Variants in RBL1 observed in about 807,000 individuals in gnomAD.
RBL1 encodes RB transcriptional corepressor like 1, also known as retinoblastoma-like protein 1.
RBL1 carries 82 observed loss-of-function variants against 123.0 expected under a neutral mutation model. The ratio of observed to expected loss-of-function variants is 0.67; its 90% CI spans 0.56 to 0.80. The LOEUF (loss-of-function observed/expected upper bound fraction) is 0.80, where lower values mean the gene tolerates loss of function less well. Ranked by LOEUF, RBL1 falls within the 30% of genes least tolerant of loss-of-function variation. The pLI is 0.00. For synonymous variants in RBL1, 405 were observed against 441.3 expected, an observed-to-expected ratio of 0.92 and a Z score of 1.03; for missense variants, 1,171 against 1,299.6, an observed-to-expected ratio of 0.90 and a Z score of 1.52.
At chr20:37,016,019 C>CA (rs2064245478) in intron 19 of RBL1, among the ~76,000 whole-genome samples, 1 of 131,468 alleles carries the variant, frequency 7.6e-6, no homozygotes, top group Non-Finnish European at 1.6e-5. Flanking sequence ...CCGTGCCCAG[C>CA]GGTTTTTTTT....
intron 9 of RBL1, among the ~76,000 whole-genome samples, chr20:37,058,335 G>C (rs188519383): frequency 1.1e-4 from 16 of 151,660 alleles, no homozygotes; most frequent in Admixed American, 3.3e-4. Context: ...GGCCAACATG[G>C]TGAAACCCCA....
At chr20:37,027,869 T>G (rs1479195104) in intron 16 of RBL1, among the ~76,000 whole-genome samples, 3 of 152,126 alleles carry the variant, frequency 2.0e-5, no homozygotes, top group Non-Finnish European at 4.4e-5. Context: ...ATCCTCCCAC[T>G]TCAGCCTCCT....
At chr20:37,070,198 G>T (rs933222811) in intron 2 of RBL1, among the ~76,000 whole-genome samples, 9 of 152,302 alleles carry the variant, frequency 5.9e-5, no homozygotes, top group Admixed American at 4.6e-4. Context: ...TGAAACAAGT[G>T]CTGTGTCCAC....
At chr20:37,012,980 C>T (rs868143751) in intron 19 of RBL1, among the ~76,000 whole-genome samples, 51 of 148,022 alleles carry the variant, frequency 3.4e-4, no homozygotes, top group African/African-American at 1.0e-3. Flanking sequence ...GTCAGCCCCC[C>T]GCCCGGCCAG....
intron 10 of RBL1, 134 bp downstream of exon 10, chr20:37,056,012 A>C (rs1600542826): frequency 7.1e-7 from 1 of 1,399,664 alleles, no homozygotes; most frequent in East Asian, 2.7e-5. Flanking sequence ...ATGCCATTGC[A>C]CTCCAGCCTG....
At chr20:37,038,809 G>C (rs944965733) in intron 14 of RBL1, among the ~76,000 whole-genome samples, 14 of 151,180 alleles carry the variant, frequency 9.3e-5, no homozygotes, top group Admixed American at 2.0e-4. Context: ...CACCATGTTG[G>C]CCAGGCTGGT....
rs536905365 is a variant in RBL1 at position 37,012,707 on chromosome 20, G to A, written c.2723-5148C>T. ...GGGAGGGAGGTGGGGGTCAACCCCC[G>A]CCAGGCCAGCCGCCCCGTCCGGGAG... On this transcript the variant is annotated intron_variant, in intron 19 of 21. Transcript: ENST00000373664. Among the ~76,000 whole-genome samples, 87 of 140,824 alleles carry A rather than the reference G, an allele frequency of 6.2e-4. 1 individual carries two copies. Among genetic ancestry groups the A allele is most frequent in the Non-Finnish European group, 9.9e-4 (64 of 64,484 alleles). 92.4% of individuals were successfully genotyped at this position (140,824 alleles called of 152,430 possible). A position where few individuals can be genotyped will look rare whatever the true frequency, so the allele number is the denominator to read the frequency against.
Position 37,032,808 on chromosome 20 carries a change from C to T in RBL1, c.2239G>A (p.Val747Ile). Reference sequence around the variant, plus strand: ...GCAGTAAGTGATACAGGACTCTTGACTTTGGACTCCTGATTTGTATTCATG... The same window carrying T: ...GCAGTAAGTGATACAGGACTCTTGATTTTGGACTCCTGATTTGTATTCATG... ...LSMNTNQESKVKSPVSLTAHS... is the reference protein window; with the variant it reads ...LSMNTNQESKIKSPVSLTAHS... The change falls in exon 16 of 22, where the codon GTC becomes ATC. Residue 747 changes from valine to isoleucine, a missense_variant. Val to Ile is a conservative substitution (Grantham distance 29). Coordinates refer to ENST00000373664, the MANE Select transcript of RBL1 (RefSeq NM_002895.5). 1 of 1,614,022 alleles carries T rather than the reference C, an allele frequency of 6.2e-7. No individual in the cohort carries two copies. Among genetic ancestry groups the T allele is most frequent in the Non-Finnish European group, 8.5e-7 (1 of 1,179,978 alleles).
chr20:37,000,438 A>G (rs28653147), intron 21 of RBL1, among the ~76,000 whole-genome samples: 80,819 of 128,386 alleles, frequency 0.63, 24,170 homozygotes, highest in African/African-American at 0.79. Flanking sequence ...CCCTCTGCCC[A>G]GCCAGCTGCC....
chr20:37,043,447 T>TCAC (rs2064766971), intron 13 of RBL1, among the ~76,000 whole-genome samples: 1 of 150,928 alleles, frequency 6.6e-6, no homozygotes, highest in Non-Finnish European at 1.5e-5. Context: ...GCCGAGACTG[T>TCAC]GCCACTGCTC....
In RBL1 at chr20:36,999,690, C is replaced by T. The variant is rs183277119; in HGVS notation, c.3037-761G>A. ...TATTTTTTTGGTGGAGATGGGGTTT[C>T]GCTGTGTTGGCCGGGCCGGTCTCCA... On this transcript the variant is annotated intron_variant, in intron 21 of 21. Transcript: ENST00000373664. 2.5e-4 allele frequency among the ~76,000 whole-genome samples: 38 copies of T among 152,336 alleles called. 1 individual carries two copies. The highest frequency in any genetic ancestry group is 7.7e-4 in the African/African-American group (32 of 41,574).
intron 7 of RBL1, among the ~76,000 whole-genome samples, chr20:37,062,990 A>AG: frequency 6.6e-6 from 1 of 152,174 alleles, no homozygotes; most frequent in Non-Finnish European, 1.5e-5. Context: ...TCCAAAAAAA[A>AG]ATATGGGCAC....
chr20:37,024,537 C>T (rs1359097405), intron 16 of RBL1, among the ~76,000 whole-genome samples: 1 of 152,136 alleles, frequency 6.6e-6, no homozygotes, highest in African/African-American at 2.4e-5. Context: ...CATAGAACAC[C>T]AGCATCACAC....
At chr20:37,091,943 G>A (rs949306727) in intron 1 of RBL1, among the ~76,000 whole-genome samples, 1 of 152,110 alleles carries the variant, frequency 6.6e-6, no homozygotes, top group Non-Finnish European at 1.5e-5. Context: ...TTTGATTAAT[G>A]AATTGCTTGG....
chr20:37,020,814 T>A, intron 17 of RBL1, 84 bp from the exon 18 acceptor site: 1 of 843,804 alleles, frequency 1.2e-6, no homozygotes, highest in Non-Finnish European at 1.9e-6. Context: ...AAGTTGGCAC[T>A]GAGAGCAACC....
At chr20:37,022,513 G>A (rs1301855881) in intron 17 of RBL1, 137 bp downstream of exon 17, 1 of 714,928 alleles carries the variant, frequency 1.4e-6, no homozygotes, top group Admixed American at 2.8e-5. Context: ...TTTTTATAGA[G>A]ATGAGGTTTC....
intron 11 of RBL1, among the ~76,000 whole-genome samples, chr20:37,053,932 T>A (rs2064961156): frequency 6.6e-6 from 1 of 152,024 alleles, no homozygotes; most frequent in South Asian, 2.1e-4. Flanking sequence ...GAGGAGTAAG[T>A]GTAACTAACT....
At chr20:37,057,768 C>T (rs939457893) in intron 9 of RBL1, among the ~76,000 whole-genome samples, 4 of 152,092 alleles carry the variant, frequency 2.6e-5, no homozygotes, top group African/African-American at 9.7e-5. Context: ...GTAGGTGGAT[C>T]ACTTGAGGCC....
At chr20:37,039,996 T>C (rs2064693612) in intron 14 of RBL1, among the ~76,000 whole-genome samples, 157 bp downstream of exon 14, 1 of 152,178 alleles carries the variant, frequency 6.6e-6, no homozygotes, top group Admixed American at 6.5e-5. Flanking sequence ...TACAATGAGC[T>C]ACACAGGGGT....
Sources: allele counts gnomAD v4.1 joint callset (sites outside exome capture counted in the v4.1 genomes callset), GRCh38; gene constraint gnomAD v4.1.1; transcripts MANE v1.5; gene names NCBI Gene and HGNC (gene_info 2026-07-23, HGNC 2026-07-21).